The following STRBP variants were observed in gnomAD, a reference collection of about 807,000 sequenced individuals.
The protein encoded by STRBP is spermatid perinuclear RNA binding protein.
Under a neutral mutation model 80.1 loss-of-function variants are expected in STRBP, and 13 were observed. The observed-to-expected ratio is 0.16, with a 90% confidence interval of 0.11 to 0.26. The LOEUF (loss-of-function observed/expected upper bound fraction) is 0.26. Among genes scored for constraint, STRBP ranks in the 10% least tolerant of loss-of-function variants. The probability of loss-of-function intolerance (pLI) is 1.00; values close to 1 mark genes in which losing one functional copy is unlikely to be tolerated. For missense variants in STRBP, 485 were observed against 815.2 expected, an observed-to-expected ratio of 0.59 and a Z score of 4.93; for synonymous variants, 284 against 291.2, an observed-to-expected ratio of 0.98 and a Z score of 0.25.
chr9:123,132,301 CAAATT>C (rs1024280479), intron 17 of STRBP, among the ~76,000 whole-genome samples: 19 of 152,004 alleles, frequency 1.2e-4, no homozygotes, highest in Middle Eastern at 3.4e-3. Flanking sequence ...AGATTAAAAA[CAAATT>C]AAATTAAATT....
chr9:123,248,857 C>A (rs1326248739), intron 1 of STRBP, among the ~76,000 whole-genome samples: 1 of 152,112 alleles, frequency 6.6e-6, no homozygotes, highest in Non-Finnish European at 1.5e-5. Context: ...TATGTCTTAC[C>A]CCTTCAGCTA....
rs1438571439 is a variant in STRBP, at chr9:123,139,575, C to T, written c.1451G>A (p.Ser484Asn). Reference sequence around the variant, plus strand: ...AGTTGTAGAATTTCCAGTATTATTGCTTGAGTTTGAAGACACTGTTTCATT... The same window carrying T: ...AGTTGTAGAATTTCCAGTATTATTGTTTGAGTTTGAAGACACTGTTTCATT... ...SKNETVSSNS[S>N]NNTGNSTTET... The change falls in exon 14 of 19, where the codon AGC becomes AAC. Residue 484 changes from serine (S) to asparagine (N), a missense_variant. Coordinates refer to ENST00000348403, the MANE Select transcript of STRBP (RefSeq NM_018387.5). The T allele has an allele frequency of 6.2e-7, 1 of 1,612,556 alleles. No homozygotes were observed. The highest frequency in any genetic ancestry group is 1.7e-5 in the Admixed American group (1 of 59,882).
chr9:123,263,607 A>T (rs894236622), intron 1 of STRBP, among the ~76,000 whole-genome samples: 1 of 151,818 alleles, frequency 6.6e-6, no homozygotes, highest in Admixed American at 6.6e-5. Context: ...AAGGCTCTTT[A>T]CAACTTGTAA....
At chr9:123,220,937 T>G (rs1428079208) in intron 2 of STRBP, among the ~76,000 whole-genome samples, 1 of 152,052 alleles carries the variant, frequency 6.6e-6, no homozygotes, top group Non-Finnish European at 1.5e-5. Context: ...ATTATTTCCA[T>G]GACATCACGT....
intron 2 of STRBP, among the ~76,000 whole-genome samples, chr9:123,217,341 A>AG (rs2039931003): frequency 6.6e-6 from 1 of 152,216 alleles, no homozygotes. Flanking sequence ...AAGAAAAAAA[A>AG]GCATCTTATT....
chr9:123,224,487 C>T (rs1028845364), intron 2 of STRBP, among the ~76,000 whole-genome samples: 6 of 152,174 alleles, frequency 3.9e-5, no homozygotes, highest in Admixed American at 2.0e-4. Context: ...CTAAAAAATG[C>T]CAAGATAATT....
intron 2 of STRBP, among the ~76,000 whole-genome samples, chr9:123,232,758 ACAGTC>A (rs1415186987): frequency 7.2e-5 from 11 of 152,192 alleles, no homozygotes; most frequent in Non-Finnish European, 1.6e-4. Context: ...TTAGGAAAAA[ACAGTC>A]CTGTGAGCCT....
At chr9:123,193,989 C>G (rs1388282524) in intron 2 of STRBP, among the ~76,000 whole-genome samples, 1 of 152,128 alleles carries the variant, frequency 6.6e-6, no homozygotes, top group African/African-American at 2.4e-5. Flanking sequence ...AATGTGAAGT[C>G]AAGTTTTTTT....
chr9:123,123,951 A>G lies in STRBP; in HGVS notation c.*1646T>C, dbSNP rs922512216. The G allele has an allele frequency of 2.1e-5, 21 of 985,438 alleles. No individual in the cohort carries two copies. The highest frequency in any genetic ancestry group is 3.5e-5 in the African/African-American group (2 of 57,364). The allele number at this position is 985,438 out of a possible 1,614,324, so 61.0% of individuals were successfully genotyped here. A position where few individuals can be genotyped will look rare whatever the true frequency, so the allele number is the denominator to read the frequency against. On this transcript the variant is annotated 3_prime_UTR_variant, in exon 19 of 19. Coordinates refer to ENST00000348403, the MANE Select transcript of STRBP (RefSeq NM_018387.5). ...GCCACTAATGCACAGGATGAGAATG[A>G]TAAGTTACAGCTATTTCCAGCAAGT...
intron 11 of STRBP, among the ~76,000 whole-genome samples, chr9:123,153,097 A>C (rs1393406039): frequency 6.6e-6 from 1 of 152,182 alleles, no homozygotes; most frequent in Non-Finnish European, 1.5e-5. Flanking sequence ...AGAAGCAAAA[A>C]GACCAGACCA....
chr9:123,263,140 C>G (rs1157819574), intron 1 of STRBP, among the ~76,000 whole-genome samples: 1 of 152,070 alleles, frequency 6.6e-6, no homozygotes, highest in African/African-American at 2.4e-5. Context: ...AACAGAAAAG[C>G]AGTAAAATGG....
Position 123,139,773 on chromosome 9 carries a change from C to T in STRBP, c.1339-86G>A, listed in dbSNP as rs1588468528. ...AATATTGAGAACAAAAGTTTCAAAT[C>T]CATAGTGTTTGAACCATAAAACACC... On this transcript the variant is annotated intron_variant, in intron 13 of 18. Transcript: ENST00000348403. 1.2e-5 allele frequency: 17 copies of T among 1,402,670 alleles called. No homozygotes were observed. The South Asian group carries it at 1.9e-4, about 16-fold the overall frequency. 86.9% of individuals were successfully genotyped at this position (1,402,670 alleles called of 1,614,324 possible). A position where few individuals can be genotyped will look rare whatever the true frequency, so the allele number is the denominator to read the frequency against.
chr9:123,111,589 C>T (rs1011339015), intron 3 of STRBP: 3 of 479,512 alleles, frequency 6.3e-6, no homozygotes, highest in East Asian at 6.3e-5. Context: ...TAAGTAACTC[C>T]ACTGCCTGAC....
intron 1 of STRBP, among the ~76,000 whole-genome samples, chr9:123,252,740 C>T (rs1564337580): frequency 6.6e-6 from 1 of 152,142 alleles, no homozygotes; most frequent in South Asian, 2.1e-4. Context: ...GCTCACATAA[C>T]CTTAAAAAAA....
intron 5 of STRBP, among the ~76,000 whole-genome samples, chr9:123,171,881 G>C (rs1046224906): frequency 6.6e-6 from 1 of 152,134 alleles, no homozygotes; most frequent in Non-Finnish European, 1.5e-5. Flanking sequence ...TGTATACCCT[G>C]TACACCCTCC....
chr9:123,136,297 C>T lies in STRBP; in HGVS notation c.1632+84G>A. 6.3e-7 allele frequency: 1 copy of T among 1,596,426 alleles called. No homozygotes were observed. The highest frequency in any genetic ancestry group is 8.5e-7 in the Non-Finnish European group (1 of 1,171,810). On this transcript the variant is annotated intron_variant, in intron 15 of 18. Coordinates refer to ENST00000348403, the MANE Select transcript of STRBP (RefSeq NM_018387.5). The surrounding 1 kb of genome is among the most constrained non-coding windows in gnomAD (Gnocchi z 4.2). ...AATCAAATAGTGCCACAAGAACTGA[C>T]TCAGTCTAAAACTTTACATTAAGTT...
In STRBP at chr9:123,123,186, C is replaced by T. The variant is rs2035787294; in HGVS notation, c.*2411G>A. The T allele has an allele frequency of 1.0e-6, 1 of 985,216 alleles. No homozygotes were observed. 61.0% of individuals were successfully genotyped at this position (985,216 alleles called of 1,614,324 possible). On this transcript the variant is annotated 3_prime_UTR_variant, in exon 19 of 19. Transcript: ENST00000348403. The stretch of plus-strand genomic sequence containing the variant: ...AAATGGTGCGACGCTCAGAGGCTGG[C>T]AATAGGGGCTGTCAATGAAAAAACC...
intron 4 of STRBP, among the ~76,000 whole-genome samples, chr9:123,175,502 A>G (rs1224813048): frequency 6.6e-6 from 1 of 152,204 alleles, no homozygotes; most frequent in South Asian, 2.1e-4. Flanking sequence ...ACACTTATAG[A>G]GATTCAATAA....
chr9:123,239,436 T>G (rs890441339), intron 1 of STRBP, among the ~76,000 whole-genome samples: 5 of 152,092 alleles, frequency 3.3e-5, no homozygotes, highest in Admixed American at 3.3e-4. Context: ...AAATCTTACC[T>G]TTTTTCCTGG....
Sources: allele counts gnomAD v4.1 joint callset (sites outside exome capture counted in the v4.1 genomes callset), GRCh38; gene constraint gnomAD v4.1.1; non-coding constraint Gnocchi (gnomAD v3.1); transcripts MANE v1.5; gene names NCBI Gene and HGNC (gene_info 2026-07-23, HGNC 2026-07-21).